The following TEKT4 variants were observed in gnomAD, a reference collection of about 807,000 sequenced individuals.
The protein encoded by TEKT4 is tektin 4, also known as tektin-4.
TEKT4 carries 46 observed loss-of-function variants against 46.0 expected under a neutral mutation model. The ratio of observed to expected loss-of-function variants is 1.00; its 90% confidence interval spans 0.79 to 1.28. TEKT4 has a LOEUF of 1.28. TEKT4 is among the 50% of genes most tolerant of loss of function. The probability of loss-of-function intolerance (pLI) is 0.00; values close to 1 mark genes in which losing one functional copy is unlikely to be tolerated. For missense variants in TEKT4, 790 were observed against 622.9 expected (o/e 1.27, Z -2.85); for synonymous variants, 325 against 265.8 (o/e 1.22, Z -2.17).
At chr2:94,872,282 G>C in intron 1 of TEKT4, 3 of 638,826 alleles carry the variant, frequency 4.7e-6, no homozygotes, top group African/African-American at 1.8e-5. Flanking sequence ...CCAAGCAGCT[G>C]TTTCTCCTCT....
In TEKT4 at chr2:94,875,743, G is replaced by A. The variant is rs142262021; in HGVS notation, c.1091+1G>A. ...TGTGCCGTGACGCAGCCCAGTTCAG[G>A]TGCTGCCTGGGCCTCTGAGGCAGTC... is the stretch of plus-strand genomic sequence containing the variant. On this transcript the variant is annotated splice_donor_variant, in intron 5 of 5. Transcript: ENST00000295201. LOFTEE classifies it high-confidence loss of function. 21 of 1,613,140 alleles carry A rather than the reference G, an allele frequency of 1.3e-5. No homozygotes were observed. The highest frequency in any genetic ancestry group is 1.3e-5 in the African/African-American group (1 of 74,934).
chr2:94,873,460 G>C, intron 1 of TEKT4, 60 bp from the exon 2 acceptor site: 2 of 1,610,606 alleles, frequency 1.2e-6, no homozygotes, highest in Non-Finnish European at 1.7e-6. Context: ...TGCAGCAGCT[G>C]GGCCTCCTGG....
chr2:94,871,437 A>C lies in TEKT4; in HGVS notation c.-143A>C. ...TGGCAACAGGAAGCTCTTGGTTTAC[A>C]CAGTGTCACCCAAGCGACTGGGAGC... is the stretch of plus-strand genomic sequence containing the variant. On this transcript the variant is annotated 5_prime_UTR_variant, in exon 1 of 6. Transcript: ENST00000295201. 9.8e-7 allele frequency: 1 copy of C among 1,019,950 alleles called. No homozygotes were observed. Among genetic ancestry groups the C allele is most frequent in the East Asian group, 2.6e-5 (1 of 37,952 alleles). The allele number at this position is 1,019,950 out of a possible 1,614,324, so 63.2% of individuals were successfully genotyped here.
rs139332730 is a variant in TEKT4 at position 94,871,654 on chromosome 2, G to A, written c.75G>A (p.Thr25=). 2.4e-5 allele frequency: 38 copies of A among 1,612,538 alleles called. No homozygotes were observed. The highest frequency in any genetic ancestry group is 5.5e-5 in the South Asian group (5 of 91,078). ...YDVARNTGAY[T]SSGLATASFR... ...TGGCCCGTAACACGGGCGCCTACAC[G>A]TCCTCCGGCCTGGCCACCGCCAGCT... Residue 25 remains threonine (T), a synonymous_variant, in exon 1 of 6, where the codon ACG becomes ACA. Transcript: ENST00000295201.
chr2:94,874,431 A>G (rs1218475058), intron 3 of TEKT4, among the ~76,000 whole-genome samples: 1 of 148,922 alleles, frequency 6.7e-6, no homozygotes, highest in Non-Finnish European at 1.5e-5. Flanking sequence ...GGGAGCAAAA[A>G]GAGGGCGCGG....
chr2:94,876,790 C>G lies in TEKT4; in HGVS notation c.*21C>G. On this transcript the variant is annotated 3_prime_UTR_variant, in exon 6 of 6. Coordinates refer to ENST00000295201, the MANE Select transcript of TEKT4 (RefSeq NM_144705.4). ...AGTGAGCAGCGGCACGGTGCTTCCCCCCAGTCCCCCAAATAAACAGCGCGT... is the reference window on the plus strand; with the variant it reads ...AGTGAGCAGCGGCACGGTGCTTCCCGCCAGTCCCCCAAATAAACAGCGCGT... The G allele has an allele frequency of 6.3e-7, 1 of 1,596,448 alleles. No individual in the cohort carries two copies.
chr2:94,874,407 G>A (rs1573186192), intron 3 of TEKT4, among the ~76,000 whole-genome samples: 1 of 152,124 alleles, frequency 6.6e-6, no homozygotes, highest in Non-Finnish European at 1.5e-5. Flanking sequence ...CCCACTAGAG[G>A]GCGGCAAACT....
chr2:94,873,275 G>A, intron 1 of TEKT4: 1 of 1,373,522 alleles, frequency 7.3e-7, no homozygotes, highest in Admixed American at 3.0e-5. Context: ...AACTGCCGCT[G>A]AGGGACCTTC....
chr2:94,873,469 G>T (rs1553395281), intron 1 of TEKT4, 51 bp from the exon 2 acceptor site: 1 of 1,611,230 alleles, frequency 6.2e-7, no homozygotes. Context: ...TGGGCCTCCT[G>T]GGATCCTCAC....
At chr2:94,872,417 G>A in intron 1 of TEKT4, 1 of 429,784 alleles carries the variant, frequency 2.3e-6, no homozygotes, top group Non-Finnish European at 4.2e-6. Flanking sequence ...TGGAAACCCA[G>A]GTCTGGGCCA....
At position 94,874,782 on chromosome 2, in the gene TEKT4, C is replaced by A; in HGVS notation, c.720C>A (p.Ser240=). The A allele has an allele frequency of 6.3e-7, 1 of 1,578,168 alleles. No individual in the cohort carries two copies. The highest frequency in any genetic ancestry group is 8.6e-7 in the Non-Finnish European group (1 of 1,164,720). ...PYSTTFQESA[S]TPETRAKFTQ... ...GCTGTCCCCCGCCCCGCAGCGCCTC[C>A]ACCCCGGAGACCCGGGCCAAGTTCA... The change falls in exon 4 of 6, where the codon TCC becomes TCA. Residue 240 remains serine, a synonymous_variant. Coordinates refer to ENST00000295201, the MANE Select transcript of TEKT4 (RefSeq NM_144705.4).
At position 94,873,951 on chromosome 2, in the gene TEKT4, C is replaced by T. The variant is rs1558606330; in HGVS notation, c.570-14C>T. 1.2e-6 allele frequency: 2 copies of T among 1,613,544 alleles called. No homozygotes were observed. Among genetic ancestry groups the T allele is most frequent in the East Asian group, 4.5e-5 (2 of 44,860 alleles). ...CCTGGGCACACATCAAGGCCCTGCCCCACCCCGCCCCAGACTGAACCGGGA... is the reference window on the plus strand; with the variant it reads ...CCTGGGCACACATCAAGGCCCTGCCTCACCCCGCCCCAGACTGAACCGGGA... On this transcript the variant is annotated splice_polypyrimidine_tract_variant and intron_variant, in intron 2 of 5. Coordinates refer to ENST00000295201, the MANE Select transcript of TEKT4 (RefSeq NM_144705.4).
chr2:94,871,588 G>T lies in TEKT4; in HGVS notation c.9G>T (p.Gln3His). 1.9e-6 allele frequency: 3 copies of T among 1,604,402 alleles called. No individual in the cohort carries two copies. The South Asian group carries it at 3.3e-5, about 18-fold the overall frequency. Residue 3 changes from glutamine (Q) to histidine (H), a missense_variant, in exon 1 of 6, where the codon CAG (glutamine) becomes CAT (histidine). Transcript: ENST00000295201. MA[Q>H]TVPPCELPCK... is the part of the protein sequence containing the mutation. ...GGTGGGCGGCAGGCACCATGGCGCA[G>T]ACAGTGCCGCCCTGCGAGCTGCCCT...
At chr2:94,873,852 C>T (rs1680694859) in intron 2 of TEKT4, 113 bp from the exon 3 acceptor site, 2 of 1,457,500 alleles carry the variant, frequency 1.4e-6, no homozygotes, top group Admixed American at 4.1e-5. Flanking sequence ...CCGGGACAGG[C>T]CCACCCAGAA....
rs782545853 is a variant in TEKT4 at position 94,873,546 on chromosome 2, G to A, written c.525G>A (p.Gln175=). The part of the protein sequence containing the change: ...LKEAELIRNI[Q]ELLKRTIMQA... ...AAGCCGAGCTCATCCGGAACATTCA[G>A]GAGCTGCTGAAGAGAACCATCATGC... The change falls in exon 2 of 6, where the codon CAG becomes CAA. Residue 175 remains glutamine (Q), a synonymous_variant. Transcript: ENST00000295201. 8 of 1,612,638 alleles carry A rather than the reference G, an allele frequency of 5.0e-6. No homozygotes were observed. The highest frequency in any genetic ancestry group is 2.7e-5 in the African/African-American group (2 of 74,898).
Position 94,871,948 on chromosome 2 carries a change from G to C in TEKT4, c.369G>C (p.Lys123Asn). 6.2e-7 allele frequency: 1 copy of C among 1,601,528 alleles called. No individual in the cohort carries two copies. The highest frequency in any genetic ancestry group is 8.5e-7 in the Non-Finnish European group (1 of 1,177,730). ...AAETNLLLAQ[K>N]QRLERALDAT... ...AGACCAACTTGCTCCTGGCCCAGAA[G>C]CAACGGCTGGAGCGCGCCCTGGACG... The change falls in exon 1 of 6, where the codon AAG becomes AAC. Residue 123 changes from lysine (K) to asparagine (N), a missense_variant. By Grantham distance (94) the Lys-to-Asn change is moderately conservative. Coordinates refer to ENST00000295201, the MANE Select transcript of TEKT4 (RefSeq NM_144705.4).
chr2:94,874,476 C>T (rs1396697639), intron 3 of TEKT4, among the ~76,000 whole-genome samples: 9 of 117,114 alleles, frequency 7.7e-5, no homozygotes, highest in South Asian at 2.9e-4. Context: ...CTGCGGGGGC[C>T]GGAGGTGCTG....
rs1411980510 is a variant in TEKT4, at chr2:94,871,903, G to A, written c.324G>A (p.Glu108=). ...THSWKSELQR[E]MEALAAETNL... ...GCTGGAAGTCGGAGCTGCAGCGTGA[G>A]ATGGAGGCGCTGGCTGCGGAGACCA... Residue 108 remains glutamate (E), a synonymous_variant, in exon 1 of 6, where the codon GAG becomes GAA. Coordinates refer to ENST00000295201, the MANE Select transcript of TEKT4 (RefSeq NM_144705.4). 6 of 1,597,576 alleles carry A rather than the reference G, an allele frequency of 3.8e-6. No individual in the cohort carries two copies. The highest frequency in any genetic ancestry group is 1.1e-5 in the South Asian group (1 of 89,958).
intron 1 of TEKT4, 166 bp from the exon 2 acceptor site, chr2:94,873,354 G>T (rs372237582): frequency 7.4e-5 from 109 of 1,463,468 alleles, no homozygotes; most frequent in Non-Finnish European, 9.8e-5. Flanking sequence ...ATGCCCAAAA[G>T]CCCAAGATAA....
Sources: allele counts gnomAD v4.1 joint callset (sites outside exome capture counted in the v4.1 genomes callset), GRCh38; gene constraint gnomAD v4.1.1; transcripts MANE v1.5; gene names NCBI Gene and HGNC (gene_info 2026-07-23, HGNC 2026-07-21).